The following SLC35A3 variants were observed in gnomAD, a reference collection of about 807,000 sequenced individuals.
SLC35A3 encodes UDP-N-acetylglucosamine transporter.
Under a neutral mutation model 39.0 loss-of-function variants are expected in SLC35A3, and 26 were observed. That is an observed-to-expected ratio of 0.67 (90% CI 0.49 to 0.92). The LOEUF (loss-of-function observed/expected upper bound fraction) is 0.92. SLC35A3 is among the 40% of genes least tolerant of loss of function. SLC35A3 has a pLI of 0.00. For missense variants in SLC35A3, 299 were observed against 371.6 expected, an observed-to-expected ratio of 0.80 and a Z score of 1.61; for synonymous variants, 135 against 133.1, an observed-to-expected ratio of 1.01 and a Z score of -0.10.
intron 4 of SLC35A3, 51 bp from the exon 5 acceptor site, chr1:100,011,314 T>C (rs2101366603): frequency 1.0e-6 from 1 of 987,376 alleles, no homozygotes; most frequent in Admixed American, 2.5e-5. Flanking sequence ...AATATGTTTA[T>C]GTAAAATGTT....
chr1:99,985,367 G>C (rs1657688424), intron 1 of SLC35A3, among the ~76,000 whole-genome samples: 1 of 152,142 alleles, frequency 6.6e-6, no homozygotes, highest in Non-Finnish European at 1.5e-5. Context: ...TTGAAGATCA[G>C]TTGGCTGTAA....
At chr1:99,970,681 G>A (rs1442994650) in intron 1 of SLC35A3, 1 of 1,438,998 alleles carries the variant, frequency 6.9e-7, no homozygotes, top group Non-Finnish European at 9.4e-7. Context: ...GTTTGAAGTG[G>A]GGTGAGATTC....
chr1:99,976,170 GC>G (rs1657095145), intron 1 of SLC35A3, among the ~76,000 whole-genome samples: 1 of 152,156 alleles, frequency 6.6e-6, no homozygotes, highest in African/African-American at 2.4e-5. Context: ...TCTGAAGCTT[GC>G]CCTCTTCAGT....
At chr1:100,008,900 C>T (rs495871) in intron 4 of SLC35A3, 8,960 of 152,280 alleles carry the variant, frequency 0.059, 346 homozygotes, top group African/African-American at 0.1. Flanking sequence ...TGTTTCACCG[C>T]TCTTCCATTC....
At chr1:99,980,491 T>G (rs1180421691) in intron 1 of SLC35A3, among the ~76,000 whole-genome samples, 2 of 152,208 alleles carry the variant, frequency 1.3e-5, no homozygotes, top group African/African-American at 4.8e-5. Context: ...TATCTAAACA[T>G]TAGAATGCAA....
At chr1:99,993,970 G>C (rs1293215403) in intron 2 of SLC35A3, among the ~76,000 whole-genome samples, 1 of 151,836 alleles carries the variant, frequency 6.6e-6, no homozygotes, top group Non-Finnish European at 1.5e-5. Context: ...ATAGTTTCTT[G>C]CATTTATAAT....
chr1:100,005,170 C>A (rs60387592), intron 3 of SLC35A3, among the ~76,000 whole-genome samples: 4,904 of 152,214 alleles, frequency 0.032, 283 homozygotes, highest in African/African-American at 0.11. Context: ...TATAATGTTT[C>A]TCTTAAAAAA....
At chr1:100,020,660 A>G (rs182836080) in intron 7 of SLC35A3, among the ~76,000 whole-genome samples, 372 of 152,306 alleles carry the variant, frequency 2.4e-3, no homozygotes, top group Non-Finnish European at 4.5e-3. Context: ...GTGAATGAAG[A>G]GCATATGGTT....
In SLC35A3 at chr1:100,004,354, G is replaced by T. The variant is rs150491153; in HGVS notation, c.343-2680G>T. On this transcript the variant is annotated intron_variant, in intron 3 of 7. Coordinates refer to ENST00000533028, the MANE Select transcript of SLC35A3 (RefSeq NM_012243.3). ...AGGTCTGGCTCTATCACCCAGGCTG[G>T]AGTGCAGGGGCACAGTCTTGGTTCA... Among the ~76,000 whole-genome samples, 278 of 152,262 alleles carry T rather than the reference G, an allele frequency of 1.8e-3. 1 individual carries two copies. The highest frequency in any genetic ancestry group is 6.3e-3 in the African/African-American group (263 of 41,540).
intron 2 of SLC35A3, among the ~76,000 whole-genome samples, chr1:99,994,947 TC>T (rs1363737731): frequency 2.6e-5 from 4 of 152,232 alleles, no homozygotes; most frequent in African/African-American, 9.6e-5. Context: ...TCCTGTTTCT[TC>T]ACATCTTCAC....
intron 1 of SLC35A3, among the ~76,000 whole-genome samples, chr1:99,977,293 G>A (rs543837730): frequency 6.7e-6 from 1 of 149,916 alleles, no homozygotes; most frequent in South Asian, 2.1e-4. Context: ...AGAGGCGGGC[G>A]GATCACCAGA....
chr1:100,030,043 TATAAGGAAGAGC>T lies in SLC35A3; in HGVS notation c.*7568_*7579del, dbSNP rs1327860283. 8 of 152,194 alleles carry T rather than the reference TATAAGGAAGAGC, an allele frequency of 5.3e-5. No individual in the cohort carries two copies. Among genetic ancestry groups the T allele is most frequent in the Non-Finnish European group, 1.2e-4 (8 of 68,014 alleles). 9.4% of individuals were successfully genotyped at this position (152,194 alleles called of 1,614,324 possible). On this transcript the variant is annotated 3_prime_UTR_variant, in exon 8 of 8. Transcript: ENST00000533028. ...TTAAATTAGGCATTCCTATCACCATTATAAGGAAGAGCTAAAACCTGATACCAGTTGTTATTT... is the reference window on the plus strand; with the variant it reads ...TTAAATTAGGCATTCCTATCACCATTTAAAACCTGATACCAGTTGTTATTT...
intron 3 of SLC35A3, among the ~76,000 whole-genome samples, chr1:100,002,446 G>A (rs1658876519): frequency 6.6e-6 from 1 of 151,988 alleles, no homozygotes; most frequent in Non-Finnish European, 1.5e-5. Flanking sequence ...CATCTGTACT[G>A]TCTCCTTTTT....
chr1:100,015,610 G>A (rs1660043338), intron 6 of SLC35A3, 190 bp downstream of exon 6: 1 of 515,514 alleles, frequency 1.9e-6, no homozygotes, highest in Non-Finnish European at 3.0e-6. Context: ...TTTGTACAGG[G>A]GTCTTTAATG....
At chr1:100,017,158 G>A (rs1023416973) in intron 6 of SLC35A3, among the ~76,000 whole-genome samples, 4 of 152,144 alleles carry the variant, frequency 2.6e-5, no homozygotes, top group African/African-American at 4.8e-5. Context: ...GATTAGGTAA[G>A]TTCTTTCTAC....
chr1:100,025,991 G>A lies in SLC35A3; in HGVS notation c.*3515G>A, dbSNP rs14699. On this transcript the variant is annotated 3_prime_UTR_variant, in exon 8 of 8. Coordinates refer to ENST00000533028, the MANE Select transcript of SLC35A3 (RefSeq NM_012243.3). ...TAGAGATGTTGTAGGCTACTTTTAC[G>A]GTGGAATATATAGTATAGAGATGCA... The A allele has an allele frequency of 7.2e-5, 11 of 151,930 alleles. No homozygotes were observed. The highest frequency in any genetic ancestry group is 2.2e-4 in the African/African-American group (9 of 41,364). 9.4% of individuals were successfully genotyped at this position (151,930 alleles called of 1,614,324 possible). A position where few individuals can be genotyped will look rare whatever the true frequency, so the allele number is the denominator to read the frequency against.
chr1:99,997,693 ACCTCTC>A (rs1658506010), intron 2 of SLC35A3, among the ~76,000 whole-genome samples: 1 of 150,260 alleles, frequency 6.7e-6, no homozygotes, highest in African/African-American at 2.5e-5. Flanking sequence ...TTCTAAGTAT[ACCTCTC>A]TTGGACATAA....
chr1:99,996,708 T>C (rs1373091473), intron 2 of SLC35A3, among the ~76,000 whole-genome samples: 1 of 152,056 alleles, frequency 6.6e-6, no homozygotes, highest in African/African-American at 2.4e-5. Context: ...CCCTCATCTG[T>C]AAAAATAAAA....
chr1:99,999,461 A>T (rs747738045), intron 3 of SLC35A3, 46 bp downstream of exon 3: 64 of 1,284,660 alleles, frequency 5.0e-5, no homozygotes, highest in Non-Finnish European at 6.6e-5. Flanking sequence ...CTTTTTTCTT[A>T]TACATAATAA....
Sources: allele counts gnomAD v4.1 joint callset (sites outside exome capture counted in the v4.1 genomes callset), GRCh38; gene constraint gnomAD v4.1.1; transcripts MANE v1.5; gene names NCBI Gene and HGNC (gene_info 2026-07-23, HGNC 2026-07-21).